Variants in MTPAP observed in about 807,000 individuals in gnomAD.
MTPAP encodes the protein mitochondrial poly(A) polymerase.
A neutral mutation model predicts 48.7 loss-of-function variants in MTPAP; 23 were observed. That is an observed-to-expected ratio of 0.47 (90% CI 0.34 to 0.67). The LOEUF is 0.67. MTPAP is among the 30% of genes least tolerant of loss of function. MTPAP has a pLI of 0.01. For synonymous variants in MTPAP, 257 were observed against 254.1 expected, an observed-to-expected ratio of 1.01 and a Z score of -0.11; for missense variants, 614 against 694.3, an observed-to-expected ratio of 0.88 and a Z score of 1.30.
chr10:30,322,206 C>T (rs1168853905), intron 6 of MTPAP, among the ~76,000 whole-genome samples, 185 bp downstream of exon 6: 1 of 152,124 alleles, frequency 6.6e-6, no homozygotes, highest in Non-Finnish European at 1.5e-5. Context: ...ACAGAACTCT[C>T]AAAAAATGCT....
Position 30,336,925 on chromosome 10 carries a change from C to A in MTPAP, c.658G>T (p.Ala220Ser), listed in dbSNP as rs759555857. Residue 220 changes from alanine (A) to serine (S), a missense_variant, in exon 4 of 9, where the codon GCG (alanine) becomes TCG (serine). Physicochemically the swap from Ala to Ser is moderately conservative, Grantham distance 99. Transcript: ENST00000263063. ...CTGACTATGCAGTCTGGAAAATACG[C>A]GGCGGCCATGTCTTCAATAAGAGAA... ...TCSLIEDMAA[A>S]YFPDCIVRPF... is the part of the protein sequence containing the mutation. The A allele has an allele frequency of 4.3e-6, 7 of 1,613,204 alleles. No homozygotes were observed. The Admixed American group carries it at 6.7e-5, about 15-fold the overall frequency.
rs1840619182 is a variant in MTPAP at position 30,313,277 on chromosome 10, T to TA, written c.*331dup. 7.5e-6 allele frequency: 2 copies of TA among 268,424 alleles called. No individual in the cohort carries two copies. The highest frequency in any genetic ancestry group is 1.2e-4 in the South Asian group (2 of 17,114). 16.6% of individuals were successfully genotyped at this position (268,424 alleles called of 1,614,324 possible). ...GGCTTATGTTTATTTTCATTTTTTT[T>TA]AGAGATGGAATCTTGCTATGTTGTC... On this transcript the variant is annotated 3_prime_UTR_variant, in exon 9 of 9. Coordinates refer to ENST00000263063, the MANE Select transcript of MTPAP (RefSeq NM_018109.4).
At chr10:30,317,790 G>A (rs761374239) in intron 6 of MTPAP, among the ~76,000 whole-genome samples, 4 of 152,026 alleles carry the variant, frequency 2.6e-5, no homozygotes, top group African/African-American at 2.4e-5. Flanking sequence ...CCCCACCACC[G>A]ACCTGCCCCC....
At chr10:30,336,686 A>G (rs1834733953) in intron 4 of MTPAP, 117 bp downstream of exon 4, 2 of 869,888 alleles carry the variant, frequency 2.3e-6, no homozygotes, top group Admixed American at 3.7e-5. Context: ...TTATTCTTTA[A>G]CCACAATGTT....
intron 3 of MTPAP, among the ~76,000 whole-genome samples, chr10:30,339,117 C>T (rs570088439): frequency 1.3e-5 from 2 of 149,520 alleles, no homozygotes; most frequent in East Asian, 2.0e-4. Context: ...AGCAAGAGTC[C>T]GTCTCAAAAC....
chr10:30,349,271 G>T lies in MTPAP; in HGVS notation c.5C>A (p.Ala2Glu). 1 of 1,174,736 alleles carries T rather than the reference G, an allele frequency of 8.5e-7. No homozygotes were observed. Among genetic ancestry groups the T allele is most frequent in the African/African-American group, 1.9e-5 (1 of 52,632 alleles). 72.8% of individuals were successfully genotyped at this position (1,174,736 alleles called of 1,614,324 possible). A position where few individuals can be genotyped will look rare whatever the true frequency, so the allele number is the denominator to read the frequency against. M[A>E]VPGVGLLTRL... ...GGTCAAGAGCCCCACGCCGGGAACC[G>T]CCATTGCTAAAAAAAAAAAAAAAAA... The change falls in exon 1 of 9, where the codon GCG becomes GAG. Residue 2 changes from alanine (A) to glutamate (E), a missense_variant. Around this residue, in one of 5 missense-constraint regions of MTPAP, gnomAD observed 125 missense variants for 111.5 expected, o/e 1.12. Transcript: ENST00000263063.
Position 30,341,469 on chromosome 10 carries a change from A to G in MTPAP, c.329T>C (p.Phe110Ser). Residue 110 changes from phenylalanine (F) to serine (S), a missense_variant and splice_region_variant, in exon 2 of 9, where the codon TTT becomes TCT. This residue lies in a region of MTPAP where 114 missense variants were observed against 107.9 expected (regional missense o/e 1.06). Coordinates refer to ENST00000263063, the MANE Select transcript of MTPAP (RefSeq NM_018109.4). ...PINNHFFYES[F>S]GLYAVVEFCQ... is the part of the protein sequence containing the mutation. ...TTAGATTGTTTTTCAAATACTTACA[A>G]AGCTTTCATAGAAGAAATGATTATT... 1 of 1,612,804 alleles carries G rather than the reference A, an allele frequency of 6.2e-7. No homozygotes were observed. Among genetic ancestry groups the G allele is most frequent in the Non-Finnish European group, 8.5e-7 (1 of 1,179,456 alleles).
chr10:30,326,652 T>A lies in MTPAP; in HGVS notation c.781-17A>T. ...TCCTGAGATCTGAAAAATAAACACA[T>A]TTCTAAATAGGAGCTTTTGGTAAAA... On this transcript the variant is annotated splice_polypyrimidine_tract_variant and intron_variant, in intron 4 of 8. Coordinates refer to ENST00000263063, the MANE Select transcript of MTPAP (RefSeq NM_018109.4). The A allele has an allele frequency of 6.3e-7, 1 of 1,593,324 alleles. No individual in the cohort carries two copies. Among genetic ancestry groups the A allele is most frequent in the Non-Finnish European group, 8.6e-7 (1 of 1,161,272 alleles).
chr10:30,323,097 C>G (rs1840743959), intron 5 of MTPAP, among the ~76,000 whole-genome samples: 1 of 132,212 alleles, frequency 7.6e-6, no homozygotes, highest in Admixed American at 9.1e-5. Flanking sequence ...CCAGTGTACT[C>G]CAGTCTGGGA....
chr10:30,322,247 T>C, intron 6 of MTPAP, 144 bp downstream of exon 6: 2 of 717,774 alleles, frequency 2.8e-6, no homozygotes, highest in South Asian at 3.4e-5. Flanking sequence ...TCATCTGCTC[T>C]CGTGACTCCG....
At chr10:30,337,942 T>C (rs971288117) in intron 3 of MTPAP, among the ~76,000 whole-genome samples, 2 of 152,114 alleles carry the variant, frequency 1.3e-5, no homozygotes, top group South Asian at 4.1e-4. Flanking sequence ...AAATCGTAAC[T>C]TCAAATGCTC....
intron 3 of MTPAP, among the ~76,000 whole-genome samples, chr10:30,338,390 G>C (rs1451372359): frequency 6.6e-6 from 1 of 151,896 alleles, no homozygotes; most frequent in South Asian, 2.1e-4. Flanking sequence ...AATAATAAAA[G>C]AGGCCGGGCT....
intron 3 of MTPAP, among the ~76,000 whole-genome samples, chr10:30,338,266 T>A (rs1564523114): frequency 6.8e-6 from 1 of 147,378 alleles, no homozygotes; most frequent in Non-Finnish European, 1.5e-5. Context: ...CCTCAAAAAA[T>A]AACGTAACAT....
At chr10:30,344,898 TTC>T (rs1834854872) in intron 1 of MTPAP, among the ~76,000 whole-genome samples, 1 of 152,106 alleles carries the variant, frequency 6.6e-6, no homozygotes, top group East Asian at 1.9e-4. Context: ...GAGAAGGAGT[TTC>T]ACCATGTTGG....
At chr10:30,318,972 C>A (rs1444812334) in intron 6 of MTPAP, among the ~76,000 whole-genome samples, 2 of 150,190 alleles carry the variant, frequency 1.3e-5, no homozygotes, top group Non-Finnish European at 3.0e-5. Context: ...GAGAGGACAG[C>A]AAGAAAAGAC....
intron 4 of MTPAP, among the ~76,000 whole-genome samples, chr10:30,331,924 T>C (rs1392391315): frequency 1.3e-5 from 2 of 152,236 alleles, no homozygotes; most frequent in East Asian, 1.9e-4. Context: ...GTGCATGGGA[T>C]ATCATACATA....
intron 4 of MTPAP, among the ~76,000 whole-genome samples, chr10:30,327,402 G>A (rs1278831408): frequency 6.6e-6 from 1 of 151,482 alleles, no homozygotes; most frequent in African/African-American, 2.4e-5. Context: ...GGGAGGCTGA[G>A]GCAGGAGAAT....
At position 30,346,370 on chromosome 10, in the gene MTPAP, G is replaced by C. The variant is rs75100683; in HGVS notation, c.157+2749C>G. Among the ~76,000 whole-genome samples, 15 of 152,172 alleles carry C rather than the reference G, an allele frequency of 9.9e-5. No homozygotes were observed. The East Asian group carries it at 2.9e-3, about 29-fold the overall frequency. On this transcript the variant is annotated intron_variant, in intron 1 of 8. Transcript: ENST00000263063. ...TAATAGATAAGCCAGAGAGCATCCA[G>C]AGAGGAATAACAAAAAGTCTAGAAA...
chr10:30,321,128 T>G (rs1327258654), intron 6 of MTPAP, among the ~76,000 whole-genome samples: 1 of 152,196 alleles, frequency 6.6e-6, no homozygotes, highest in African/African-American at 2.4e-5. Context: ...AGGGATGAAA[T>G]GAGCACAGAT....
Sources: gnomAD v4.1 joint callset for allele counts (sites outside exome capture counted in the v4.1 genomes callset) on GRCh38, gnomAD v4.1.1 for gene constraint, gnomAD v4.1.1 regional missense constraint, MANE v1.5 for transcripts, NCBI Gene and HGNC (gene_info 2026-07-23, HGNC 2026-07-21) for gene names.